The following RHOT1 variants were observed in gnomAD, a reference collection of about 807,000 sequenced individuals.
The protein encoded by RHOT1 is ras homolog family member T1, also known as mitochondrial Rho GTPase 1.
In RHOT1, 27 loss-of-function variants were observed where a neutral mutation model predicts 95.3. The ratio of observed to expected loss-of-function variants is 0.28; its 90% confidence interval spans 0.21 to 0.39. RHOT1 has a LOEUF of 0.39. RHOT1 is among the 10% of genes least tolerant of loss of function. The pLI, the probability that RHOT1 is intolerant of heterozygous loss-of-function variation, is 1.00. For missense variants in RHOT1, 578 were observed against 786.7 expected (o/e 0.73, Z 3.17); for synonymous variants, 227 against 263.5 (o/e 0.86, Z 1.34).
At chr17:32,163,395 G>A (rs1305078453) in intron 1 of RHOT1, among the ~76,000 whole-genome samples, 2 of 152,178 alleles carry the variant, frequency 1.3e-5, no homozygotes. Flanking sequence ...ATCGGAGATG[G>A]TACATTTTTA....
At chr17:32,173,933 G>C in intron 3 of RHOT1, 21 bp downstream of exon 3, 2 of 1,492,890 alleles carry the variant, frequency 1.3e-6, no homozygotes, top group Non-Finnish European at 1.9e-6. Flanking sequence ...TCCTCTTGTA[G>C]ATGAAGGTGT....
intron 1 of RHOT1, among the ~76,000 whole-genome samples, chr17:32,156,758 A>G (rs73284197): frequency 0.011 from 1,724 of 152,370 alleles, 34 homozygotes; most frequent in African/African-American, 0.039. Flanking sequence ...TCAGGGTCAT[A>G]CTGTTAATGG....
At chr17:32,211,853 A>T (rs1163365410) in intron 19 of RHOT1, among the ~76,000 whole-genome samples, 1 of 152,180 alleles carries the variant, frequency 6.6e-6, no homozygotes, top group Non-Finnish European at 1.5e-5. Flanking sequence ...TTAGGCCTTT[A>T]TAATTGAACC....
Position 32,196,612 on chromosome 17 carries a change from T to G in RHOT1, c.870-2335T>G, listed in dbSNP as rs558530339. Among the ~76,000 whole-genome samples the G allele has an allele frequency of 9.2e-5, 14 of 152,316 alleles. No homozygotes were observed. The South Asian group carries it at 2.9e-3, about 32-fold the overall frequency. On this transcript the variant is annotated intron_variant, in intron 11 of 19. Coordinates refer to ENST00000545287, the MANE Select transcript of RHOT1 (RefSeq NM_001033566.3). ...CTATTTGTTGTCCACCAAGCATATG[T>G]TCTTTTCTACACCAGGCTTTTGTCC...
At chr17:32,191,556 A>C (rs2036489687) in intron 8 of RHOT1, among the ~76,000 whole-genome samples, 1 of 152,228 alleles carries the variant, frequency 6.6e-6, no homozygotes, top group Admixed American at 6.5e-5. Flanking sequence ...ATGAATCATA[A>C]AACAAAAATG....
rs141416392 is a variant in RHOT1 at position 32,151,366 on chromosome 17, T to C, written c.37+8637T>C. The C allele has an allele frequency of 2.6e-4, 161 of 608,118 alleles. 1 individual carries two copies. In the East Asian group the frequency reaches 6.0e-3, roughly 22 times the overall value. The allele number at this position is 608,118 out of a possible 1,614,324, so 37.7% of individuals were successfully genotyped here. ...GGTTGAGGCTGCAGTGAGCCAAGAC[T>C]GCACCACTGCACTCCAGTTTGGATG... On this transcript the variant is annotated intron_variant, in intron 1 of 19. Transcript: ENST00000545287.
intron 13 of RHOT1, among the ~76,000 whole-genome samples, chr17:32,199,952 T>TC (rs1325828535): frequency 1.3e-5 from 2 of 150,160 alleles, no homozygotes; most frequent in East Asian, 3.9e-4. Flanking sequence ...TCTTTTTTTT[T>TC]TTTTTTTTGA....
intron 1 of RHOT1, among the ~76,000 whole-genome samples, chr17:32,166,169 C>T (rs961731390): frequency 2.8e-5 from 4 of 145,318 alleles, no homozygotes; most frequent in Non-Finnish European, 6.0e-5. Context: ...GCTTGGGTGA[C>T]ACAGCGAGAC....
intron 6 of RHOT1, chr17:32,178,811 G>C (rs1480881060): frequency 1.3e-5 from 2 of 154,280 alleles, no homozygotes; most frequent in Non-Finnish European, 2.8e-5. Flanking sequence ...CCCCGTCTAG[G>C]AAGTGAGGAG....
chr17:32,218,505 T>C (rs1211983225), intron 19 of RHOT1, among the ~76,000 whole-genome samples: 3 of 134,232 alleles, frequency 2.2e-5, no homozygotes, highest in Admixed American at 7.4e-5. Flanking sequence ...AGATCCTGTC[T>C]GAAAAAAAAA....
chr17:32,161,415 T>C (rs1360869243), intron 1 of RHOT1, among the ~76,000 whole-genome samples: 2 of 152,214 alleles, frequency 1.3e-5, no homozygotes, highest in East Asian at 1.9e-4. Context: ...CGTGATGTTA[T>C]CACAGGAGTA....
At chr17:32,156,976 G>C (rs958929127) in intron 1 of RHOT1, among the ~76,000 whole-genome samples, 2 of 152,234 alleles carry the variant, frequency 1.3e-5, no homozygotes, top group African/African-American at 4.8e-5. Context: ...TGAATAAGCA[G>C]CCTTGATGAC....
intron 1 of RHOT1, among the ~76,000 whole-genome samples, chr17:32,152,556 T>A (rs1431979604): frequency 6.6e-6 from 1 of 151,622 alleles, no homozygotes; most frequent in Non-Finnish European, 1.5e-5. Flanking sequence ...TTTCCTCTTA[T>A]AAAGCCTTTT....
chr17:32,203,815 C>A, intron 15 of RHOT1, 75 bp from the exon 16 acceptor site: 2 of 996,866 alleles, frequency 2.0e-6, no homozygotes, highest in African/African-American at 1.6e-5. Context: ...CACACCTGCA[C>A]ATATACACAG....
intron 11 of RHOT1, among the ~76,000 whole-genome samples, chr17:32,197,737 T>A (rs1433105008): frequency 1.3e-5 from 2 of 152,116 alleles, no homozygotes; most frequent in African/African-American, 4.8e-5. Context: ...CACACCCGGC[T>A]AATTTTCATA....
intron 9 of RHOT1, 29 bp downstream of exon 9, chr17:32,192,328 GTATC>G: frequency 1.1e-6 from 1 of 936,980 alleles, no homozygotes; most frequent in Non-Finnish European, 1.6e-6. Flanking sequence ...AGACATTTGC[GTATC>G]TTTTTTTTTT....
intron 1 of RHOT1, among the ~76,000 whole-genome samples, chr17:32,165,352 A>AG (rs1342894938): frequency 3.9e-4 from 58 of 150,348 alleles, no homozygotes; most frequent in Non-Finnish European, 2.5e-4. Flanking sequence ...AAAAAAAAAA[A>AG]AAAAAAAAAA....
chr17:32,197,282 G>A (rs944465661), intron 11 of RHOT1, among the ~76,000 whole-genome samples: 3 of 151,510 alleles, frequency 2.0e-5, no homozygotes, highest in South Asian at 4.2e-4. Context: ...AGGCTGGAGT[G>A]CAGTGGCACA....
intron 2 of RHOT1, among the ~76,000 whole-genome samples, chr17:32,171,617 A>G (rs988126778): frequency 9.9e-5 from 15 of 152,214 alleles, no homozygotes; most frequent in African/African-American, 3.6e-4. Context: ...TAAAAATAAA[A>G]TGTTGCTCAT....
Sources: gnomAD v4.1 joint callset for allele counts (sites outside exome capture counted in the v4.1 genomes callset) on GRCh38, gnomAD v4.1.1 for gene constraint, MANE v1.5 for transcripts, NCBI Gene and HGNC (gene_info 2026-07-23, HGNC 2026-07-21) for gene names.